FGF12: variants seen among roughly 807,000 people sequenced by gnomAD.
FGF12 encodes the protein fibroblast growth factor 12, also known as fibroblast growth factor 12B.
In FGF12, 14 loss-of-function variants were observed where a neutral mutation model predicts 23.6. The ratio of observed to expected loss-of-function variants is 0.59; its 90% CI spans 0.39 to 0.93. FGF12 has a LOEUF of 0.93. Among genes scored for constraint, FGF12 ranks in the 40% least tolerant of loss-of-function variants. The pLI is 0.00. For missense variants in FGF12, 175 were observed against 217.8 expected (o/e 0.80, Z 1.24); for synonymous variants, 62 against 77.3 (o/e 0.80, Z 1.04).
intron 4 of FGF12, among the ~76,000 whole-genome samples, chr3:192,171,875 GCT>G (rs147801298): frequency 0.024 from 3,349 of 140,662 alleles, 140 homozygotes; most frequent in African/African-American, 0.079. Flanking sequence ...TGTAGAGAGT[GCT>G]CTCTCTCTCT....
intron 2 of FGF12, among the ~76,000 whole-genome samples, chr3:192,532,995 T>C (rs964827118): frequency 2.0e-5 from 3 of 152,196 alleles, no homozygotes; most frequent in African/African-American, 7.2e-5. Flanking sequence ...AAATGATGGA[T>C]GTAAATATCT....
chr3:192,594,748 G>C (rs1381387387), intron 2 of FGF12, among the ~76,000 whole-genome samples: 2 of 151,882 alleles, frequency 1.3e-5, no homozygotes, highest in Non-Finnish European at 2.9e-5. Flanking sequence ...GCCATGTTAT[G>C]ATGCCGTAAG....
chr3:192,265,495 C>T (rs866510154), intron 4 of FGF12: 1 of 152,180 alleles, frequency 6.6e-6, no homozygotes, highest in Non-Finnish European at 1.5e-5. Flanking sequence ...GTATGTCCTA[C>T]AGGACAAATC....
intron 2 of FGF12, among the ~76,000 whole-genome samples, chr3:192,595,178 C>G (rs1713786844): frequency 6.6e-6 from 1 of 152,106 alleles, no homozygotes; most frequent in Non-Finnish European, 1.5e-5. Flanking sequence ...TCCTTTGAAC[C>G]AGCTGTCATC....
chr3:192,501,995 C>G (rs9836817), intron 2 of FGF12, among the ~76,000 whole-genome samples: 115,787 of 152,108 alleles, frequency 0.76, 44,695 homozygotes, highest in East Asian at 0.84. Context: ...ACTCTTCAAG[C>G]AGTAGGGTGA....
At chr3:192,342,457 T>C (rs938145562) in intron 3 of FGF12, among the ~76,000 whole-genome samples, 14 of 151,962 alleles carry the variant, frequency 9.2e-5, no homozygotes, top group African/African-American at 3.1e-4. Flanking sequence ...GTTTGGGGAA[T>C]CTGTTACAAT....
rs1178268306 is a variant in FGF12, at chr3:192,719,795, AAAAAAAAAAG to A, written c.13+7376_13+7385del. Among the ~76,000 whole-genome samples, 21 of 140,942 alleles carry A rather than the reference AAAAAAAAAAG, an allele frequency of 1.5e-4. No homozygotes were observed. The South Asian group carries it at 1.5e-3, about 10-fold the overall frequency. 92.5% of individuals were successfully genotyped at this position (140,942 alleles called of 152,430 possible). A position where few individuals can be genotyped will look rare whatever the true frequency, so the allele number is the denominator to read the frequency against. The stretch of plus-strand genomic sequence containing the variant: ...TGAAAGAGACTAAGGGCAAAAAAAA[AAAAAAAAAAG>A]AAAAACAAGAAAAACAACCCAACAC... On this transcript the variant is annotated intron_variant, in intron 2 of 5. Transcript: ENST00000445105.
intron 2 of FGF12, among the ~76,000 whole-genome samples, chr3:192,627,549 A>G (rs1383843581): frequency 6.6e-6 from 1 of 152,164 alleles, no homozygotes; most frequent in Non-Finnish European, 1.5e-5. Flanking sequence ...ACAGTATAGA[A>G]GTATCTATTT....
rs933846525 is a variant in FGF12 at position 192,142,989 on chromosome 3, T to C, written c.*1020A>G. ...TAATTTCCTAGGACTTATTTCCTTA[T>C]GTAAAACCCCTGTTCTTTCTTTCCT... On this transcript the variant is annotated 3_prime_UTR_variant, in exon 6 of 6. Transcript: ENST00000445105. The C allele has an allele frequency of 2.6e-5, 4 of 152,056 alleles. No individual in the cohort carries two copies. The highest frequency in any genetic ancestry group is 9.7e-5 in the African/African-American group (4 of 41,420). 9.4% of individuals were successfully genotyped at this position (152,056 alleles called of 1,614,324 possible). A position where few individuals can be genotyped will look rare whatever the true frequency, so the allele number is the denominator to read the frequency against.
At chr3:192,480,404 G>C (rs190306246) in intron 2 of FGF12, among the ~76,000 whole-genome samples, 1 of 152,214 alleles carries the variant, frequency 6.6e-6, no homozygotes, top group East Asian at 1.9e-4. Flanking sequence ...ATATCAGTAC[G>C]AGAGCCCATG....
chr3:192,628,298 G>A (rs1715249942), intron 2 of FGF12, among the ~76,000 whole-genome samples: 1 of 152,048 alleles, frequency 6.6e-6, no homozygotes, highest in African/African-American at 2.4e-5. Flanking sequence ...TTTAGATAAA[G>A]CTGCTATGAA....
intron 3 of FGF12, among the ~76,000 whole-genome samples, chr3:192,341,204 T>C (rs1717673210): frequency 6.6e-6 from 1 of 152,124 alleles, no homozygotes; most frequent in Non-Finnish European, 1.5e-5. Context: ...AACAGGTATA[T>C]GAAAATATAC....
At chr3:192,155,009 TC>T (rs1047212928) in intron 5 of FGF12, among the ~76,000 whole-genome samples, 5 of 146,446 alleles carry the variant, frequency 3.4e-5, no homozygotes, top group African/African-American at 1.3e-4. Context: ...TGGGATATAG[TC>T]TCGTGGTGCG....
intron 4 of FGF12, among the ~76,000 whole-genome samples, chr3:192,171,170 A>C (rs901415596): frequency 6.6e-6 from 1 of 152,190 alleles, no homozygotes; most frequent in African/African-American, 2.4e-5. Flanking sequence ...CTTCCTCTCT[A>C]ATTTCCTTAA....
intron 2 of FGF12, among the ~76,000 whole-genome samples, chr3:192,383,519 T>TA (rs71841026): frequency 5.9e-4 from 84 of 142,910 alleles, no homozygotes; most frequent in Middle Eastern, 3.6e-3. Context: ...GATTCTGATT[T>TA]AAAAAAAAAA....
At chr3:192,692,704 C>T (rs1278381906) in intron 2 of FGF12, among the ~76,000 whole-genome samples, 1 of 146,126 alleles carries the variant, frequency 6.8e-6, no homozygotes, top group Admixed American at 6.8e-5. Context: ...GTCAGCAGAC[C>T]CTGTCTAAAA....
At chr3:192,687,166 A>G (rs78519325) in intron 2 of FGF12, among the ~76,000 whole-genome samples, 1 of 140,800 alleles carries the variant, frequency 7.1e-6, no homozygotes, top group Non-Finnish European at 1.5e-5. Context: ...TCTCACATCA[A>G]AAAAAAAAAA....
intron 2 of FGF12, among the ~76,000 whole-genome samples, chr3:192,527,476 A>C (rs1040643498): frequency 6.6e-6 from 1 of 152,214 alleles, no homozygotes. Flanking sequence ...TTAATTAACA[A>C]ATAATGAAAA....
intron 2 of FGF12, among the ~76,000 whole-genome samples, chr3:192,434,126 T>C (rs1721943649): frequency 6.6e-6 from 1 of 151,986 alleles, no homozygotes; most frequent in Non-Finnish European, 1.5e-5. Flanking sequence ...CCTTAACCAA[T>C]TGTGGAAAAA....
Sources: allele counts gnomAD v4.1 joint callset (sites outside exome capture counted in the v4.1 genomes callset), GRCh38; gene constraint gnomAD v4.1.1; transcripts MANE v1.5; gene names NCBI Gene and HGNC (gene_info 2026-07-23, HGNC 2026-07-21).